Variants in MALRD1 observed in about 807,000 individuals in gnomAD.
MALRD1 encodes MAM and LDL receptor class A domain containing 1.
In MALRD1, 247 loss-of-function variants were observed where a neutral mutation model predicts 242.1. The ratio of observed to expected loss-of-function variants is 1.02; its 90% CI spans 0.92 to 1.13. MALRD1 has a LOEUF of 1.13. Ranked by LOEUF, MALRD1 falls within the 50% of genes most tolerant of loss-of-function variation. MALRD1 has a pLI of 0.00. For missense variants in MALRD1, 2,989 were observed against 2,533.1 expected, an observed-to-expected ratio of 1.18 and a Z score of -3.86; for synonymous variants, 995 against 866.6, an observed-to-expected ratio of 1.15 and a Z score of -2.60.
At chr10:19,626,501 C>T (rs1042550430) in intron 36 of MALRD1, among the ~76,000 whole-genome samples, 2 of 151,806 alleles carry the variant, frequency 1.3e-5, no homozygotes, top group Non-Finnish European at 2.9e-5. Context: ...AAACAGGGTT[C>T]AGCGAGATAG....
chr10:19,419,555 G>A (rs1350598930), intron 28 of MALRD1, among the ~76,000 whole-genome samples: 2 of 152,014 alleles, frequency 1.3e-5, no homozygotes, highest in Non-Finnish European at 2.9e-5. Context: ...CCTGGCCTCA[G>A]GTAGTCTGCT....
chr10:19,276,007 C>T (rs1373651504), intron 19 of MALRD1, among the ~76,000 whole-genome samples: 2 of 152,148 alleles, frequency 1.3e-5, no homozygotes, highest in African/African-American at 2.4e-5. Flanking sequence ...TTGAAATTAA[C>T]GCATTTCAAA....
rs143451917 is a variant in MALRD1 at position 19,331,582 on chromosome 10, C to T, written c.3901C>T (p.Arg1301Cys). The change falls in exon 24 of 40, where the codon CGT becomes TGT. Residue 1301 changes from arginine (R) to cysteine (C), a missense_variant and splice_region_variant. Coordinates refer to ENST00000454679, the MANE Select transcript of MALRD1 (RefSeq NM_001142308.3). ...TTCAGATGAGACTACTTTCATTTGC[C>T]GTAAGTAAAAGGGTTCTGTTTTCTT... ...DNSDETTFIC[R>C]TSSGRCDFEF... The T allele has an allele frequency of 2.6e-5, 41 of 1,549,246 alleles. No homozygotes were observed. Among genetic ancestry groups the T allele is most frequent in the African/African-American group, 1.9e-4 (14 of 73,100 alleles).
At chr10:19,731,470 C>T (rs1006948250) in intron 39 of MALRD1, among the ~76,000 whole-genome samples, 4 of 151,230 alleles carry the variant, frequency 2.6e-5, no homozygotes, top group Admixed American at 2.6e-4. Flanking sequence ...TTTAAAATAT[C>T]TATCACCTCA....
chr10:19,086,992 A>T (rs147096941), intron 2 of MALRD1, among the ~76,000 whole-genome samples: 2 of 152,164 alleles, frequency 1.3e-5, no homozygotes, highest in Non-Finnish European at 2.9e-5. Flanking sequence ...TGTGCTTATT[A>T]GGGCCCACTG....
chr10:19,136,705 G>C lies in MALRD1; in HGVS notation c.1335G>C (p.Gln445His). 1 of 1,231,704 alleles carries C rather than the reference G, an allele frequency of 8.1e-7. No individual in the cohort carries two copies. The highest frequency in any genetic ancestry group is 1.0e-6 in the Non-Finnish European group (1 of 987,990). 76.3% of individuals were successfully genotyped at this position (1,231,704 alleles called of 1,614,324 possible). ...ACGAATTCCCTTGCACTAGTGGCCA[G>C]TGCATCGCCAAAGAATCTGTCTGTG... ...SADEFPCTSG[Q>H]CIAKESVCDS... is the part of the protein sequence containing the mutation. Residue 445 changes from glutamine (Q) to histidine (H), a missense_variant, in exon 10 of 40, where the codon CAG (glutamine) becomes CAC (histidine). Transcript: ENST00000454679.
chr10:19,153,928 C>A (rs1281339624), intron 11 of MALRD1, among the ~76,000 whole-genome samples: 1 of 152,006 alleles, frequency 6.6e-6, no homozygotes, highest in Non-Finnish European at 1.5e-5. Flanking sequence ...CTTTGAATAT[C>A]GGTTCATTTG....
At chr10:19,068,178 G>A (rs944209783) in intron 2 of MALRD1, among the ~76,000 whole-genome samples, 4 of 151,762 alleles carry the variant, frequency 2.6e-5, no homozygotes, top group African/African-American at 7.3e-5. Flanking sequence ...TTTATTTACT[G>A]TAGACTTTTG....
At position 19,472,465 on chromosome 10, in the gene MALRD1, A is replaced by T. The variant is rs1415700027; in HGVS notation, c.5030-19052A>T. On this transcript the variant is annotated intron_variant, in intron 29 of 39. Transcript: ENST00000454679. ...CTTCAGTTATTTGTGAAAGTTTGAG[A>T]AGGATTGTCATCAATCTTTTTTAAA... Among the ~76,000 whole-genome samples the T allele has an allele frequency of 2.6e-5, 4 of 151,982 alleles. No homozygotes were observed. In the East Asian group the frequency reaches 7.7e-4, roughly 29 times the overall value.
chr10:19,470,881 G>A (rs987836809), intron 29 of MALRD1, among the ~76,000 whole-genome samples: 14 of 151,510 alleles, frequency 9.2e-5, no homozygotes, highest in African/African-American at 1.7e-4. Flanking sequence ...TTCTTGGGTC[G>A]CGTAGGCTGC....
At chr10:19,248,076 G>A (rs1012997424) in intron 18 of MALRD1, among the ~76,000 whole-genome samples, 1 of 152,030 alleles carries the variant, frequency 6.6e-6, no homozygotes, top group Non-Finnish European at 1.5e-5. Context: ...TTAATCATTT[G>A]TGCTGAAGTT....
At chr10:19,087,546 CTTT>C (rs59368317) in intron 2 of MALRD1, among the ~76,000 whole-genome samples, 3,801 of 144,044 alleles carry the variant, frequency 0.026, 153 homozygotes, top group African/African-American at 0.092. Flanking sequence ...TGTCTCGTTT[CTTT>C]TTTTTTTTTT....
At chr10:19,676,121 G>A (rs1842127653) in intron 36 of MALRD1, among the ~76,000 whole-genome samples, 1 of 152,190 alleles carries the variant, frequency 6.6e-6, no homozygotes, top group Non-Finnish European at 1.5e-5. Flanking sequence ...GAGGGTTTGT[G>A]AGTCAAGGAG....
intron 36 of MALRD1, among the ~76,000 whole-genome samples, chr10:19,630,558 T>A (rs1839856653): frequency 6.6e-6 from 1 of 152,178 alleles, no homozygotes; most frequent in Non-Finnish European, 1.5e-5. Context: ...TTAGTTTGAA[T>A]AAAGACTTTA....
At chr10:19,337,018 A>C (rs1463039671) in intron 24 of MALRD1, among the ~76,000 whole-genome samples, 1 of 152,146 alleles carries the variant, frequency 6.6e-6, no homozygotes, top group Non-Finnish European at 1.5e-5. Flanking sequence ...CTTCTTTGTT[A>C]AACAGAAAAT....
intron 29 of MALRD1, among the ~76,000 whole-genome samples, chr10:19,453,272 C>A (rs897228229): frequency 6.6e-6 from 1 of 152,122 alleles, no homozygotes; most frequent in African/African-American, 2.4e-5. Context: ...AACATCCCCA[C>A]ATATTGTATG....
chr10:19,205,219 T>A lies in MALRD1; in HGVS notation c.2532T>A (p.Cys844Ter). 2 of 1,550,992 alleles carry A rather than the reference T, an allele frequency of 1.3e-6. No homozygotes were observed. The highest frequency in any genetic ancestry group is 1.7e-6 in the Non-Finnish European group (2 of 1,146,978). Residue 844 changes from cysteine (C) to a stop codon, truncating the protein, a stop_gained, in exon 17 of 40, where the codon TGT (cysteine) becomes TGA (stop). Transcript: ENST00000454679. LOFTEE classifies it high-confidence loss of function. ...CTTGCATAGAAAAGCTTCGGTTATG[T>A]GATCTGGTGGATGACTGTGGTGATC... ...TRACIEKLRL[C>*]DLVDDCGDRT...
chr10:19,413,559 T>G (rs1384760939), intron 28 of MALRD1, among the ~76,000 whole-genome samples: 1 of 93,296 alleles, frequency 1.1e-5, no homozygotes, highest in Non-Finnish European at 2.7e-5. Context: ...TCTCTTTTAA[T>G]CATGAAAAAA....
At position 19,552,992 on chromosome 10, in the gene MALRD1, G is replaced by A. The variant is rs547887091; in HGVS notation, c.5479-14510G>A. On this transcript the variant is annotated intron_variant, in intron 32 of 39. Coordinates refer to ENST00000454679, the MANE Select transcript of MALRD1 (RefSeq NM_001142308.3). ...GTGTTTATTTATATAATACATAAAC[G>A]GAAAAAGCTATAGTAGCCATACATC... Among the ~76,000 whole-genome samples the A allele has an allele frequency of 3.3e-5, 5 of 152,180 alleles. No individual in the cohort carries two copies. In the South Asian group the frequency reaches 8.3e-4, roughly 25 times the overall value.
Sources: gnomAD v4.1 joint callset for allele counts (sites outside exome capture counted in the v4.1 genomes callset) on GRCh38, gnomAD v4.1.1 for gene constraint, MANE v1.5 for transcripts, NCBI Gene and HGNC (gene_info 2026-07-23, HGNC 2026-07-21) for gene names.